Variants in TFAP2B observed in about 807,000 individuals in gnomAD.
The protein encoded by TFAP2B is transcription factor AP-2-beta.
A neutral mutation model predicts 44.3 loss-of-function variants in TFAP2B; 9 were observed. The ratio of observed to expected loss-of-function variants is 0.20; its 90% CI spans 0.12 to 0.35. TFAP2B has a LOEUF of 0.35. TFAP2B is among the 10% of genes least tolerant of loss of function. The pLI is 1.00. For missense variants in TFAP2B, 509 were observed against 600.0 expected (o/e 0.85, Z 1.59); for synonymous variants, 270 against 263.8 (o/e 1.02, Z -0.23).
At chr6:50,832,025 A>C (rs1011161758) in intron 3 of TFAP2B, among the ~76,000 whole-genome samples, 1 of 152,222 alleles carries the variant, frequency 6.6e-6, no homozygotes, top group African/African-American at 2.4e-5. Context: ...TGGGAAATAA[A>C]GAAATTGCCA....
At chr6:50,838,119 C>G in intron 5 of TFAP2B, 26 bp downstream of exon 5, 1 of 1,540,074 alleles carries the variant, frequency 6.5e-7, no homozygotes, top group Non-Finnish European at 9.0e-7. Flanking sequence ...GGCCATTTCA[C>G]GAAGTGGCTG....
Position 50,842,125 on chromosome 6 carries a change from G to C in TFAP2B, c.1083-967G>C, listed in dbSNP as rs577984649. 1.2e-4 allele frequency among the ~76,000 whole-genome samples: 18 copies of C among 152,346 alleles called. No individual in the cohort carries two copies. The South Asian group carries it at 3.7e-3, about 32-fold the overall frequency. ...TTTTCCTAAACCCCACAGACCCATA[G>C]GCTGGGTACAGGCAGGTGGACATGA... On this transcript the variant is annotated intron_variant, in intron 6 of 6. Transcript: ENST00000393655.
At chr6:50,842,720 G>A (rs1223775170) in intron 6 of TFAP2B, among the ~76,000 whole-genome samples, 2 of 152,160 alleles carry the variant, frequency 1.3e-5, no homozygotes, top group African/African-American at 2.4e-5. Flanking sequence ...GGAGGGGCGC[G>A]GGGGAAACAG....
In TFAP2B at chr6:50,847,327, C is replaced by G. The variant is rs1043676928; in HGVS notation, c.*3935C>G. 3.3e-5 allele frequency: 5 copies of G among 152,576 alleles called. No homozygotes were observed. Among genetic ancestry groups the G allele is most frequent in the Non-Finnish European group, 7.3e-5 (5 of 68,028 alleles). The allele number at this position is 152,576 out of a possible 1,614,324, so 9.5% of individuals were successfully genotyped here. On this transcript the variant is annotated 3_prime_UTR_variant, in exon 7 of 7. Transcript: ENST00000393655. Reference sequence around the variant, plus strand: ...CAATCAAGAAATATCAATCTATTGACTCTTCACGAGAAGAGCTCTGGAGGG... The same window carrying G: ...CAATCAAGAAATATCAATCTATTGAGTCTTCACGAGAAGAGCTCTGGAGGG...
At chr6:50,825,878 G>A (rs1008415684) in intron 2 of TFAP2B, among the ~76,000 whole-genome samples, 1 of 152,138 alleles carries the variant, frequency 6.6e-6, no homozygotes, top group Non-Finnish European at 1.5e-5. Flanking sequence ...TAGTGCAAGG[G>A]ACACACCCTG....
chr6:50,832,176 A>G (rs1371434982), intron 3 of TFAP2B, among the ~76,000 whole-genome samples: 1 of 152,172 alleles, frequency 6.6e-6, no homozygotes, highest in Non-Finnish European at 1.5e-5. Flanking sequence ...CTTGGATCCC[A>G]ATAGCTATTT....
intron 2 of TFAP2B, 141 bp downstream of exon 2, chr6:50,824,006 A>G (rs1770435688): frequency 2.1e-6 from 2 of 941,902 alleles, no homozygotes; most frequent in Non-Finnish European, 3.3e-6. Flanking sequence ...AGACAGTCAT[A>G]TAGAACTGTT....
At chr6:50,824,276 TGGCAGGTGAAGACCTGGCTGCCTAGA>T (rs1770443235) in intron 2 of TFAP2B, among the ~76,000 whole-genome samples, 1 of 152,202 alleles carries the variant, frequency 6.6e-6, no homozygotes, top group Non-Finnish European at 1.5e-5. Context: ...CCTGCTGACT[TGGCAGGTGAAGACCTGGCTGCCTAGA>T]GGCTAGAGCT....
At chr6:50,827,948 T>C (rs1431280315) in intron 2 of TFAP2B, among the ~76,000 whole-genome samples, 1 of 152,158 alleles carries the variant, frequency 6.6e-6, no homozygotes, top group Non-Finnish European at 1.5e-5. Flanking sequence ...TGCTTGTCTG[T>C]AGTTACTGCC....
intron 2 of TFAP2B, among the ~76,000 whole-genome samples, chr6:50,825,108 G>A (rs1176437815): frequency 2.0e-5 from 3 of 152,092 alleles, no homozygotes; most frequent in Non-Finnish European, 4.4e-5. Context: ...GTCTATGATT[G>A]TTTATTGTTT....
At chr6:50,831,770 A>G (rs1001425247) in intron 3 of TFAP2B, among the ~76,000 whole-genome samples, 5 of 152,208 alleles carry the variant, frequency 3.3e-5, no homozygotes, top group African/African-American at 9.7e-5. Context: ...TTTTGGTGCA[A>G]TAAGAAGCCA....
intron 2 of TFAP2B, among the ~76,000 whole-genome samples, chr6:50,826,822 C>G (rs558226886): frequency 2.6e-5 from 4 of 152,284 alleles, no homozygotes; most frequent in African/African-American, 9.6e-5. Flanking sequence ...CATACACACA[C>G]TCAAACACAC....
intron 3 of TFAP2B, among the ~76,000 whole-genome samples, chr6:50,830,787 C>G (rs1770651386): frequency 6.6e-6 from 1 of 152,158 alleles, no homozygotes; most frequent in African/African-American, 2.4e-5. Context: ...TAGCCCCTTC[C>G]CCTGCACCCT....
At chr6:50,823,135 G>A (rs569375077) in intron 1 of TFAP2B, among the ~76,000 whole-genome samples, 1 of 152,208 alleles carries the variant, frequency 6.6e-6, no homozygotes, top group South Asian at 2.1e-4. Flanking sequence ...CGGCTAAAAT[G>A]TTATAGTTAA....
rs544863159 is a variant in TFAP2B at position 50,828,643 on chromosome 6, G to A, written c.565G>A (p.Gly189Ser). 2.1e-5 allele frequency: 34 copies of A among 1,613,952 alleles called. No homozygotes were observed. The Admixed American group carries it at 3.7e-4, about 17-fold the overall frequency. ...GTCAGTTGAAGATGCCAATAACAGC[G>A]GCATGAATCTATTGGACCAGTCTGT... ...VQSVEDANNSGMNLLDQSVIK... is the reference protein window; with the variant it reads ...VQSVEDANNSSMNLLDQSVIK... Residue 189 changes from glycine to serine, a missense_variant, in exon 3 of 7, where the codon GGC (glycine) becomes AGC (serine). Gly to Ser is a moderately conservative substitution (Grantham distance 56). Coordinates refer to ENST00000393655, the MANE Select transcript of TFAP2B (RefSeq NM_003221.4).
intron 1 of TFAP2B, among the ~76,000 whole-genome samples, chr6:50,819,978 G>T (rs1770287888): frequency 6.6e-6 from 1 of 152,192 alleles, no homozygotes; most frequent in Non-Finnish European, 1.5e-5. Context: ...GACAGCCCCA[G>T]GTGGTTGCCA....
intron 3 of TFAP2B, among the ~76,000 whole-genome samples, chr6:50,832,943 A>G (rs1762544728): frequency 6.6e-6 from 1 of 152,172 alleles, no homozygotes; most frequent in South Asian, 2.1e-4. Flanking sequence ...ATAATGCAGC[A>G]AAAAAGGGAG....
chr6:50,834,338 T>G (rs750335530), intron 3 of TFAP2B, among the ~76,000 whole-genome samples: 10 of 152,194 alleles, frequency 6.6e-5, no homozygotes, highest in Non-Finnish European at 1.5e-4. Context: ...GGGCAGAATA[T>G]TTACTCTGTT....
chr6:50,843,734 A>T lies in TFAP2B; in HGVS notation c.*342A>T, dbSNP rs1762783677. On this transcript the variant is annotated 3_prime_UTR_variant, in exon 7 of 7. Transcript: ENST00000393655. ...AAATAAACATAAGACTAAACATGAG[A>T]AAAACGCTAACTTATTGGAAGAAAA... The T allele has an allele frequency of 4.8e-6, 1 of 209,092 alleles. No individual in the cohort carries two copies. The highest frequency in any genetic ancestry group is 9.5e-6 in the Non-Finnish European group (1 of 105,654). The allele number at this position is 209,092 out of a possible 1,614,324, so 13.0% of individuals were successfully genotyped here.
Sources: gnomAD v4.1 joint callset for allele counts (sites outside exome capture counted in the v4.1 genomes callset) on GRCh38, gnomAD v4.1.1 for gene constraint, MANE v1.5 for transcripts, NCBI Gene and HGNC (gene_info 2026-07-23, HGNC 2026-07-21) for gene names.